Variants in SYTL5 observed in about 807,000 individuals in gnomAD.
SYTL5 encodes synaptotagmin like 5.
A neutral mutation model predicts 55.9 loss-of-function variants in SYTL5; 34 were observed. The ratio of observed to expected loss-of-function variants is 0.61; its 90% confidence interval spans 0.46 to 0.81. The LOEUF (loss-of-function observed/expected upper bound fraction) is 0.81. Ranked by LOEUF, SYTL5 falls within the 30% of genes least tolerant of loss-of-function variation. The pLI is 0.00. For synonymous variants in SYTL5, 221 were observed against 188.7 expected (o/e 1.17, Z -1.40); for missense variants, 637 against 546.7 (o/e 1.17, Z -1.65).
intron 10 of SYTL5, chrX:38,103,061 C>A: frequency 8.6e-7 from 1 of 1,160,378 alleles, no homozygotes. Flanking sequence ...AGTGGACCTA[C>A]CTAAATGTGC....
At chrX:38,061,853 G>T (rs1304413960) in intron 3 of SYTL5, among the ~76,000 whole-genome samples, 1 of 112,123 alleles carries the variant, frequency 8.9e-6, no homozygotes, top group Admixed American at 9.4e-5. Context: ...GGCAGTTGCA[G>T]TCCAACACAA....
At chrX:38,085,760 G>A (rs1478588938) in intron 6 of SYTL5, among the ~76,000 whole-genome samples, 1 of 111,483 alleles carries the variant, frequency 9.0e-6, no homozygotes, top group Non-Finnish European at 1.9e-5. Context: ...GGGAAGGTTG[G>A]ATCCTGGGAA....
At chrX:38,001,735 A>G (rs977117128), upstream of SYTL5, among the ~76,000 whole-genome samples, 8 of 111,725 alleles carry the variant, frequency 7.2e-5, no homozygotes, top group Non-Finnish European at 1.5e-4. Context: ...CTTGTCTATT[A>G]TAAATGGTGC....
chrX:37,999,539 TAA>T, the SYTL5 span, among the ~76,000 whole-genome samples: 4 of 111,579 alleles, frequency 3.6e-5, no homozygotes, highest in Non-Finnish European at 7.5e-5. Context: ...AGGATGAAAA[TAA>T]TTCATCAGCT....
At chrX:38,039,913 C>A (rs80289605) in intron 2 of SYTL5, among the ~76,000 whole-genome samples, 11,590 of 111,188 alleles carry the variant, frequency 0.1, 979 homozygotes, top group African/African-American at 0.24. Context: ...TGGTGGCTCA[C>A]GCCTGTAATC....
chrX:38,016,008 T>C (rs1934343205), intron 1 of SYTL5, among the ~76,000 whole-genome samples: 1 of 111,711 alleles, frequency 9.0e-6, no homozygotes, highest in African/African-American at 3.3e-5. Flanking sequence ...AAAATTTAGA[T>C]TCAAATTCAG....
In SYTL5 at chrX:38,036,119, A is replaced by C. The variant is rs144327450; in HGVS notation, c.119+2111A>C. Among the ~76,000 whole-genome samples, 483 of 109,283 alleles carry C rather than the reference A, an allele frequency of 4.4e-3. 3 individuals are homozygous for C. Among genetic ancestry groups the C allele is most frequent in the African/African-American group, 0.015 (444 of 29,763 alleles). The allele number at this position is 109,283 out of a possible 115,157, so 94.9% of individuals were successfully genotyped here. A position where few individuals can be genotyped will look rare whatever the true frequency, so the allele number is the denominator to read the frequency against. ...TCAGGAGTTTGAGACCAGCCTGGCCAACATGGCGAAACCCCGTCTCTACTA... is the reference window on the plus strand; with the variant it reads ...TCAGGAGTTTGAGACCAGCCTGGCCCACATGGCGAAACCCCGTCTCTACTA... On this transcript the variant is annotated intron_variant, in intron 2 of 16. Coordinates refer to ENST00000297875, the MANE Select transcript of SYTL5 (RefSeq NM_138780.3).
At chrX:38,019,795 C>T (rs1328926635) in intron 1 of SYTL5, among the ~76,000 whole-genome samples, 1 of 110,370 alleles carries the variant, frequency 9.1e-6, no homozygotes, top group Non-Finnish European at 1.9e-5. Flanking sequence ...GCCACCATGC[C>T]CAACTAACTT....
At chrX:37,991,284 A>G in the SYTL5 span, 1 of 1,111,632 alleles carries the variant, frequency 9.0e-7, no homozygotes, top group Non-Finnish European at 1.2e-6. Flanking sequence ...GTTGTCATCA[A>G]CAAGTGCTAT....
chrX:38,031,896 G>A lies in SYTL5; in HGVS notation c.-356-1638G>A, dbSNP rs756770122. Among the ~76,000 whole-genome samples the A allele has an allele frequency of 3.6e-5, 4 of 112,369 alleles. No homozygotes were observed. The South Asian group carries it at 1.5e-3, about 41-fold the overall frequency. On this transcript the variant is annotated intron_variant, in intron 1 of 16. Coordinates refer to ENST00000297875, the MANE Select transcript of SYTL5 (RefSeq NM_138780.3). ...TTTCAAGATGGAGGGAAGACCTGGA[G>A]TAAATCCAGAGAATATGCACTAACC...
chrX:38,060,520 C>T (rs1240665659), intron 3 of SYTL5, among the ~76,000 whole-genome samples: 3 of 111,725 alleles, frequency 2.7e-5, no homozygotes. Context: ...AGTAGGTACT[C>T]AATGAATACT....
At chrX:37,906,518 T>C in the SYTL5 span, 1 of 111,897 alleles carries the variant, frequency 8.9e-6, no homozygotes, top group African/African-American at 3.3e-5. Context: ...GAGTGGCTTC[T>C]TCATTCTCTG....
At chrX:38,027,442 C>A (rs776811272) in intron 1 of SYTL5, among the ~76,000 whole-genome samples, 2 of 110,769 alleles carry the variant, frequency 1.8e-5, no homozygotes, top group African/African-American at 6.6e-5. Flanking sequence ...TCAGACATCA[C>A]GAATTGGTTA....
At chrX:37,893,233 A>C in the SYTL5 span, among the ~76,000 whole-genome samples, 57 of 66,525 alleles carry the variant, frequency 8.6e-4, 3 homozygotes, top group African/African-American at 6.4e-3. Flanking sequence ...ACATACCACA[A>C]TCTATACTAT....
At chrX:37,894,513 T>G in the SYTL5 span, among the ~76,000 whole-genome samples, 2 of 111,770 alleles carry the variant, frequency 1.8e-5, no homozygotes, top group African/African-American at 6.5e-5. Flanking sequence ...GAAGGTCTGG[T>G]TCTGGAATCC....
intron 2 of SYTL5, among the ~76,000 whole-genome samples, chrX:38,045,541 T>C (rs1192862594): frequency 8.9e-6 from 1 of 112,213 alleles, no homozygotes; most frequent in Non-Finnish European, 1.9e-5. Context: ...TATATTCCTA[T>C]GAGCCAAGCT....
In SYTL5 at chrX:38,101,400, C is replaced by A. The variant is rs563767918; in HGVS notation, c.1063-942C>A. On this transcript the variant is annotated intron_variant, in intron 9 of 16. Transcript: ENST00000297875. ...AAGCCCAGAAGTGTACATCATAATC[C>A]TGATTTATAAAACTATAGTTAAAAA... is the stretch of plus-strand genomic sequence containing the variant. Among the ~76,000 whole-genome samples the A allele has an allele frequency of 3.6e-5, 4 of 110,522 alleles. No homozygotes were observed. The South Asian group carries it at 1.5e-3, about 42-fold the overall frequency.
chrX:38,032,020 A>G (rs1453488593), intron 1 of SYTL5, among the ~76,000 whole-genome samples: 1 of 111,959 alleles, frequency 8.9e-6, no homozygotes, highest in African/African-American at 3.2e-5. Flanking sequence ...CACTGTATAG[A>G]ACAAACACAT....
the SYTL5 span, among the ~76,000 whole-genome samples, chrX:37,905,531 C>G: frequency 1.9e-4 from 21 of 109,366 alleles, no homozygotes; most frequent in Non-Finnish European, 4.0e-4. Flanking sequence ...CTTGAGGAGC[C>G]AGCTGCACCT....
Sources: allele counts gnomAD v4.1 joint callset (sites outside exome capture counted in the v4.1 genomes callset), GRCh38; gene constraint gnomAD v4.1.1; transcripts MANE v1.5; gene names NCBI Gene and HGNC (gene_info 2026-07-23, HGNC 2026-07-21).